The following KAZN variants were observed in gnomAD, a reference collection of about 807,000 sequenced individuals.
KAZN encodes the protein kazrin, periplakin interacting protein, also known as kazrin.
In KAZN, 40 loss-of-function variants were observed where a neutral mutation model predicts 87.4. That is an observed-to-expected ratio of 0.46 (90% CI 0.36 to 0.60). KAZN has a LOEUF of 0.60. Ranked by LOEUF, KAZN falls within the 20% of genes least tolerant of loss-of-function variation. The pLI is 0.00. For missense variants in KAZN, 898 were observed against 1,073.9 expected (o/e 0.84, Z 2.29); for synonymous variants, 466 against 458.3 (o/e 1.02, Z -0.22).
rs572110138 is a variant in KAZN at position 14,899,196 on chromosome 1, G to A, written c.227-61488G>A. 1.4e-3 allele frequency among the ~76,000 whole-genome samples: 214 copies of A among 152,288 alleles called. 1 individual carries two copies. Among genetic ancestry groups the A allele is most frequent in the Non-Finnish European group, 2.4e-3 (164 of 68,034 alleles). On this transcript the variant is annotated intron_variant, in intron 1 of 14. Transcript: ENST00000376030. ...CAAGGTCAGGAAGATGGAATGTTCC[G>A]CTAAGTCAAGTTCACTGGCATGACC...
chr1:14,132,210 G>A (rs1223736813), intron 1 of KAZN, among the ~76,000 whole-genome samples: 1 of 152,184 alleles, frequency 6.6e-6, no homozygotes, highest in African/African-American at 2.4e-5. Flanking sequence ...TGTCTCCACT[G>A]GTTGAAGATC....
At chr1:14,910,874 C>T (rs1657172488) in intron 1 of KAZN, among the ~76,000 whole-genome samples, 1 of 152,122 alleles carries the variant, frequency 6.6e-6, no homozygotes, top group Admixed American at 6.5e-5. Flanking sequence ...ATGTCGGCAA[C>T]TAATGTGAAT....
intron 1 of KAZN, among the ~76,000 whole-genome samples, chr1:14,928,001 A>G (rs1157437715): frequency 1.3e-5 from 2 of 152,170 alleles, no homozygotes; most frequent in Non-Finnish European, 2.9e-5. Context: ...GGGGAAGTGC[A>G]GTTGCTAATC....
intron 2 of KAZN, among the ~76,000 whole-genome samples, chr1:14,391,740 G>A (rs554851744): frequency 3.9e-5 from 6 of 152,198 alleles, no homozygotes; most frequent in Admixed American, 1.3e-4. Context: ...GGGCCTTGAC[G>A]TCTCAGTAAG....
intron 1 of KAZN, among the ~76,000 whole-genome samples, chr1:14,715,207 G>A (rs1017426690): frequency 6.6e-6 from 1 of 152,172 alleles, no homozygotes; most frequent in Admixed American, 6.5e-5. Flanking sequence ...TGGCTAGTGT[G>A]TGATCTGCCA....
intron 1 of KAZN, among the ~76,000 whole-genome samples, chr1:14,689,972 T>G (rs1641185933): frequency 6.6e-6 from 1 of 152,176 alleles, no homozygotes; most frequent in African/African-American, 2.4e-5. Flanking sequence ...GGTTTCCATC[T>G]TCTCTGTGGG....
intron 1 of KAZN, among the ~76,000 whole-genome samples, chr1:14,837,550 A>ATTT (rs1164233693): frequency 0.044 from 5,129 of 117,618 alleles, 133 homozygotes; most frequent in African/African-American, 0.051. Context: ...TAGCTGTATA[A>ATTT]TTTTTTTTTT....
intron 2 of KAZN, among the ~76,000 whole-genome samples, chr1:14,277,249 C>T (rs1652435487): frequency 6.6e-6 from 1 of 152,196 alleles, no homozygotes; most frequent in African/African-American, 2.4e-5. Flanking sequence ...CAACCCCATA[C>T]ATCATATCAT....
intron 2 of KAZN, among the ~76,000 whole-genome samples, chr1:14,580,809 A>G (rs1038257269): frequency 2.6e-5 from 4 of 152,182 alleles, no homozygotes; most frequent in African/African-American, 9.7e-5. Flanking sequence ...TTGGTCGATC[A>G]TTCGATGTCA....
chr1:15,080,807 C>T (rs544517778), intron 8 of KAZN, among the ~76,000 whole-genome samples: 126 of 152,124 alleles, frequency 8.3e-4, no homozygotes, highest in Non-Finnish European at 1.6e-3. Context: ...ACAGAGGCCC[C>T]GGGGTAGAAG....
At chr1:14,401,888 G>A (rs1271718823) in intron 2 of KAZN, among the ~76,000 whole-genome samples, 2 of 151,908 alleles carry the variant, frequency 1.3e-5, no homozygotes, top group African/African-American at 4.8e-5. Context: ...GAACCTAAAA[G>A]CAAACGTCAT....
intron 1 of KAZN, among the ~76,000 whole-genome samples, chr1:14,168,531 A>G (rs1035156585): frequency 6.6e-6 from 1 of 152,140 alleles, no homozygotes; most frequent in South Asian, 2.1e-4. Context: ...ACTTTGAAGG[A>G]TGTGGCGGGA....
chr1:14,858,925 T>C (rs1385323705), intron 1 of KAZN, among the ~76,000 whole-genome samples: 1 of 152,120 alleles, frequency 6.6e-6, no homozygotes, highest in Non-Finnish European at 1.5e-5. Flanking sequence ...CTTCCATGTA[T>C]TAAGAACTGC....
rs1672197377 is a variant in KAZN at position 14,531,326 on chromosome 1, A to C, written c.250-67657A>C. On this transcript the variant is annotated intron_variant, in intron 2 of 16. Transcript: ENST00000636203. ...TAGAATGCCCTCTCCCATATACTGG[A>C]GATCCCATGAGATTACCCAAGTAAG... Among the ~76,000 whole-genome samples the C allele has an allele frequency of 2.6e-5, 4 of 152,218 alleles. No individual in the cohort carries two copies. In the South Asian group the frequency reaches 8.3e-4, roughly 31 times the overall value.
rs1638321472 is a variant in KAZN, at chr1:15,056,772, G to C, written c.916+492G>C. Among the ~76,000 whole-genome samples, 1 of 152,224 alleles carries C rather than the reference G, an allele frequency of 6.6e-6. No individual in the cohort carries two copies. Among genetic ancestry groups the C allele is most frequent in the African/African-American group, 2.4e-5 (1 of 41,452 alleles). ...CTGGCCAATCACAGGGCATCCAAGA[G>C]GGGCTGATGTCAATGTCACAGGTGT... On this transcript the variant is annotated intron_variant, in intron 5 of 14. Transcript: ENST00000376030. This position sits in a 1 kb window ranked among gnomAD's most constrained non-coding sequence, Gnocchi z 5.4.
intron 1 of KAZN, among the ~76,000 whole-genome samples, chr1:14,958,019 G>T (rs1349562970): frequency 6.6e-6 from 1 of 152,202 alleles, no homozygotes; most frequent in Non-Finnish European, 1.5e-5. Context: ...AGGGAACAGG[G>T]GCTGGAGTTG....
intron 1 of KAZN, among the ~76,000 whole-genome samples, chr1:14,852,634 C>T (rs1649599212): frequency 6.6e-6 from 1 of 152,236 alleles, no homozygotes; most frequent in Non-Finnish European, 1.5e-5. Flanking sequence ...CGCAGGTACA[C>T]TTGCCCAGGG....
At chr1:13,982,436 G>A (rs947480166) in intron 1 of KAZN, among the ~76,000 whole-genome samples, 2 of 152,316 alleles carry the variant, frequency 1.3e-5, no homozygotes, top group African/African-American at 4.8e-5. Context: ...CGACTTTCGC[G>A]CTGAGTGTTA....
intron 1 of KAZN, among the ~76,000 whole-genome samples, chr1:14,826,598 C>T (rs775350162): frequency 8.5e-5 from 13 of 152,180 alleles, no homozygotes; most frequent in Non-Finnish European, 1.6e-4. Context: ...CCGCGCTGGC[C>T]GTTTCCCTCC....
Sources: allele counts gnomAD v4.1 joint callset (sites outside exome capture counted in the v4.1 genomes callset), GRCh38; gene constraint gnomAD v4.1.1; non-coding constraint Gnocchi (gnomAD v3.1); transcripts MANE v1.5; gene names NCBI Gene and HGNC (gene_info 2026-07-23, HGNC 2026-07-21).